Variants in CLCN5 observed in about 807,000 individuals in gnomAD.
CLCN5 encodes H(+)/Cl(-) exchange transporter 5.
In CLCN5, 17 loss-of-function variants were observed where a neutral mutation model predicts 54.0. That is an observed-to-expected ratio of 0.31 (90% CI 0.22 to 0.47). CLCN5 has a LOEUF of 0.47. Among genes scored for constraint, CLCN5 ranks in the 20% least tolerant of loss-of-function variants. The pLI is 1.00. For synonymous variants in CLCN5, 222 were observed against 233.0 expected, an observed-to-expected ratio of 0.95 and a Z score of 0.43; for missense variants, 448 against 646.7, an observed-to-expected ratio of 0.69 and a Z score of 3.33.
At chrX:50,031,834 G>A (rs1399974810) in intron 3 of CLCN5, among the ~76,000 whole-genome samples, 2 of 104,449 alleles carry the variant, frequency 1.9e-5, no homozygotes, top group Non-Finnish European at 3.9e-5. Context: ...TCGTCATTTA[G>A]CATTAGGTGT....
rs1557167366 is a variant in CLCN5, at chrX:49,922,788, G to A, written c.-209G>A. 3.5e-5 allele frequency: 4 copies of A among 113,121 alleles called. No individual in the cohort carries two copies. The highest frequency in any genetic ancestry group is 5.6e-5 in the Non-Finnish European group (3 of 53,300). The allele number at this position is 113,121 out of a possible 1,213,427, so 9.3% of individuals were successfully genotyped here. On this transcript the variant is annotated 5_prime_UTR_variant, in exon 1 of 15. Transcript: ENST00000376091. ...GGGCTCCGCCGCTCCGGACCTCGGCGACAGGTAAAGGCAAACGGGCTGTCC... is the reference window on the plus strand; with the variant it reads ...GGGCTCCGCCGCTCCGGACCTCGGCAACAGGTAAAGGCAAACGGGCTGTCC...
In CLCN5 at chrX:50,094,283, A is replaced by T. The variant is rs1440821338; in HGVS notation, c.*2064A>T. On this transcript the variant is annotated 3_prime_UTR_variant, in exon 15 of 15. Coordinates refer to ENST00000376091, the MANE Select transcript of CLCN5 (RefSeq NM_001127898.4). ...ATCTTTCTGGGGTATGTTGTATCAT[A>T]GTAATGGCTCAGTAACCACATATTT... The T allele has an allele frequency of 8.9e-6, 1 of 111,940 alleles. No individual in the cohort carries two copies. Among genetic ancestry groups the T allele is most frequent in the Admixed American group, 9.5e-5 (1 of 10,555 alleles). 9.2% of individuals were successfully genotyped at this position (111,940 alleles called of 1,213,427 possible). A position where few individuals can be genotyped will look rare whatever the true frequency, so the allele number is the denominator to read the frequency against.
At chrX:50,087,156 C>T (rs1413326503) in intron 11 of CLCN5, among the ~76,000 whole-genome samples, 3 of 111,418 alleles carry the variant, frequency 2.7e-5, no homozygotes, top group African/African-American at 9.8e-5. Context: ...ATATTTTGCC[C>T]CTCAAAAATG....
At chrX:49,985,579 A>G (rs1557178190) in intron 3 of CLCN5, among the ~76,000 whole-genome samples, 1 of 111,845 alleles carries the variant, frequency 8.9e-6, no homozygotes, top group Non-Finnish European at 1.9e-5. Flanking sequence ...GTCGTATTGA[A>G]TTGATCAGTT....
At chrX:49,965,093 T>C (rs1165255117) in intron 3 of CLCN5, among the ~76,000 whole-genome samples, 1 of 111,448 alleles carries the variant, frequency 9.0e-6, no homozygotes, top group Admixed American at 9.6e-5. Context: ...CTCATTCCAT[T>C]TGGAAGGTGA....
chrX:49,995,324 C>T (rs1040995956), intron 3 of CLCN5, among the ~76,000 whole-genome samples: 2 of 111,654 alleles, frequency 1.8e-5, no homozygotes, highest in Non-Finnish European at 3.8e-5. Flanking sequence ...TTTTTGGGCC[C>T]GTGAAATGGC....
At position 49,925,193 on chromosome X, in the gene CLCN5, A is replaced by G. The variant is rs1925279003; in HGVS notation, c.-106A>G. On this transcript the variant is annotated 5_prime_UTR_variant, in exon 3 of 15. Coordinates refer to ENST00000376091, the MANE Select transcript of CLCN5 (RefSeq NM_001127898.4). ...CAGGTTTGGGGCTTTAGCCCCTTGGAGAAAACAGGGCCACATAGCTGCCTT... is the reference window on the plus strand; with the variant it reads ...CAGGTTTGGGGCTTTAGCCCCTTGGGGAAAACAGGGCCACATAGCTGCCTT... 1 of 872,720 alleles carries G rather than the reference A, an allele frequency of 1.1e-6. No homozygotes were observed. Among genetic ancestry groups the G allele is most frequent in the Non-Finnish European group, 1.7e-6 (1 of 592,545 alleles). 71.9% of individuals were successfully genotyped at this position (872,720 alleles called of 1,213,427 possible). A position where few individuals can be genotyped will look rare whatever the true frequency, so the allele number is the denominator to read the frequency against.
At chrX:49,979,656 A>G (rs1273307505) in intron 3 of CLCN5, among the ~76,000 whole-genome samples, 1 of 111,614 alleles carries the variant, frequency 9.0e-6, no homozygotes, top group Admixed American at 9.5e-5. Flanking sequence ...TAAAAATTAT[A>G]TATATTTATC....
chrX:49,979,176 A>G (rs1928617685), intron 3 of CLCN5, among the ~76,000 whole-genome samples: 1 of 111,787 alleles, frequency 8.9e-6, no homozygotes, highest in Non-Finnish European at 1.9e-5. Flanking sequence ...AGTACCTACT[A>G]TTTATACAAC....
intron 3 of CLCN5, among the ~76,000 whole-genome samples, chrX:50,033,875 G>A (rs1039581183): frequency 1.8e-5 from 2 of 111,715 alleles, no homozygotes; most frequent in African/African-American, 3.3e-5. Flanking sequence ...AGAGCAAAAA[G>A]TTTGAGAACT....
chrX:50,090,961 G>C, intron 14 of CLCN5, 75 bp downstream of exon 14: 2 of 865,883 alleles, frequency 2.3e-6, no homozygotes, highest in Non-Finnish European at 3.4e-6. Context: ...GTAGAAAGAA[G>C]TAGAACCCAG....
chrX:50,030,826 C>G (rs191556678), intron 3 of CLCN5, among the ~76,000 whole-genome samples: 1 of 112,004 alleles, frequency 8.9e-6, no homozygotes, highest in African/African-American at 3.2e-5. Context: ...CATGTGATAC[C>G]GGTCTTGCAT....
At chrX:50,074,898 C>A (rs1557191914) in intron 6 of CLCN5, among the ~76,000 whole-genome samples, 2 of 111,620 alleles carry the variant, frequency 1.8e-5, no homozygotes, top group East Asian at 5.6e-4. Context: ...CATTTAATTT[C>A]TTTATGCCAG....
intron 3 of CLCN5, among the ~76,000 whole-genome samples, chrX:50,028,540 G>A (rs946271109): frequency 9.0e-5 from 10 of 111,715 alleles, no homozygotes; most frequent in African/African-American, 3.3e-4. Context: ...TGTTCCTATG[G>A]AGGTTTCTGT....
At chrX:49,933,440 G>A (rs1569536643) in intron 3 of CLCN5, among the ~76,000 whole-genome samples, 1 of 111,682 alleles carries the variant, frequency 9.0e-6, no homozygotes, top group Non-Finnish European at 1.9e-5. Context: ...CACAGTTGTG[G>A]AGGGAGCACA....
chrX:49,946,969 CA>C (rs1303514297), intron 3 of CLCN5, among the ~76,000 whole-genome samples: 2 of 110,441 alleles, frequency 1.8e-5, no homozygotes, highest in Admixed American at 1.9e-4. Context: ...GCTGGGATTA[CA>C]GTCATGTGCC....
chrX:50,040,365 C>T (rs1231288329), intron 3 of CLCN5, among the ~76,000 whole-genome samples: 1 of 111,621 alleles, frequency 9.0e-6, no homozygotes, highest in African/African-American at 3.3e-5. Flanking sequence ...GTTTTATGGT[C>T]AATAATTTTG....
Position 50,090,208 on chromosome X carries a change from A to G in CLCN5, c.1837A>G (p.Met613Val), listed in dbSNP as rs782026940. ...EYIVPLMAAA[M>V]TSKWVADALG... ...CATCGTGCCTCTGATGGCTGCAGCC[A>G]TGACAAGCAAGTGGGTGGCAGATGC... The change falls in exon 13 of 15, where the codon ATG becomes GTG. Residue 613 changes from methionine to valine, a missense_variant. Physicochemically the swap from Met to Val is conservative, Grantham distance 21. Transcript: ENST00000376091. 8.3e-7 allele frequency: 1 copy of G among 1,211,876 alleles called. No individual in the cohort carries two copies. Among genetic ancestry groups the G allele is most frequent in the Non-Finnish European group, 1.1e-6 (1 of 895,397 alleles).
chrX:49,936,246 A>G (rs1925959759), intron 3 of CLCN5, among the ~76,000 whole-genome samples: 1 of 111,877 alleles, frequency 8.9e-6, no homozygotes, highest in African/African-American at 3.2e-5. Context: ...ATGCTGATGT[A>G]CTGTGTTCTT....
Sources: gnomAD v4.1 joint callset for allele counts (sites outside exome capture counted in the v4.1 genomes callset) on GRCh38, gnomAD v4.1.1 for gene constraint, MANE v1.5 for transcripts, NCBI Gene and HGNC (gene_info 2026-07-23, HGNC 2026-07-21) for gene names.